The following EDN2 variants were observed in gnomAD, a reference collection of about 807,000 sequenced individuals.
The protein encoded by EDN2 is endothelin-2.
In EDN2, 10 loss-of-function variants were observed where a neutral mutation model predicts 19.9. That is an observed-to-expected ratio of 0.50 (90% CI 0.31 to 0.85). EDN2 has a LOEUF of 0.85. Ranked by LOEUF, EDN2 falls within the 40% of genes least tolerant of loss-of-function variation. The pLI is 0.05. For synonymous variants in EDN2, 84 were observed against 94.9 expected, an observed-to-expected ratio of 0.89 and a Z score of 0.67; for missense variants, 222 against 239.3, an observed-to-expected ratio of 0.93 and a Z score of 0.48.
intron 3 of EDN2, among the ~76,000 whole-genome samples, chr1:41,482,111 A>G (rs1207542966): frequency 6.6e-6 from 1 of 152,186 alleles, no homozygotes; most frequent in Admixed American, 6.5e-5. Context: ...GATCAGACAG[A>G]CTCAGGCCCA....
intron 2 of EDN2, chr1:41,483,843 G>A: frequency 1.8e-6 from 1 of 560,508 alleles, no homozygotes; most frequent in Non-Finnish European, 3.1e-6. Flanking sequence ...GCTGTCTTAA[G>A]AATTCTCAGA....
In EDN2 at chr1:41,479,481, G is replaced by T. The variant is rs746585275; in HGVS notation, c.465C>A (p.Ser155Arg). 7.4e-6 allele frequency: 12 copies of T among 1,614,184 alleles called. No individual in the cohort carries two copies. Among genetic ancestry groups the T allele is most frequent in the Non-Finnish European group, 9.3e-6 (11 of 1,179,998 alleles). ...QRLRDISTVK[S>R]LFAKRQQEAM... The stretch of plus-strand genomic sequence containing the variant: ...CCTCCTGTTGTCGCTTGGCAAAGAG[G>T]CTCTTGACTGTGGAAATGTCCCTGG... The change falls in exon 5 of 5, where the codon AGC becomes AGA. Residue 155 changes from serine to arginine, a missense_variant. By Grantham distance (110) the Ser-to-Arg change is moderately radical (BLOSUM62 -1). Transcript: ENST00000372587.
At chr1:41,481,841 G>A (rs779877258) in intron 3 of EDN2, among the ~76,000 whole-genome samples, 32 of 152,106 alleles carry the variant, frequency 2.1e-4, no homozygotes, top group Admixed American at 4.6e-4. Context: ...GTGCGCGGCC[G>A]GAAGCTTGGG....
At chr1:41,481,840 C>A (rs560523523) in intron 3 of EDN2, among the ~76,000 whole-genome samples, 3 of 152,130 alleles carry the variant, frequency 2.0e-5, no homozygotes, top group Non-Finnish European at 4.4e-5. Context: ...CGTGCGCGGC[C>A]GGAAGCTTGG....
intron 2 of EDN2, chr1:41,483,612 GCAAAGAGCCTGGCATAGT>G (rs1644266849): frequency 1.2e-5 from 2 of 169,172 alleles, no homozygotes; most frequent in Admixed American, 1.1e-4. Flanking sequence ...GCAGTGCTTG[GCAAAGAGCCTGGCATAGT>G]CAAAGCACGG....
At chr1:41,482,433 C>T (rs1168322858) in intron 3 of EDN2, 33 bp downstream of exon 3, 4 of 1,582,780 alleles carry the variant, frequency 2.5e-6, no homozygotes, top group Non-Finnish European at 1.7e-6. Context: ...CTTGCAGCTA[C>T]CCTATGCCCC....
At chr1:41,484,351 A>G (rs1307791233) in intron 1 of EDN2, 148 bp from the exon 2 acceptor site, 2 of 1,298,496 alleles carry the variant, frequency 1.5e-6, no homozygotes, top group East Asian at 2.5e-5. Context: ...AGCCCAGGGA[A>G]GTCCCAGCAG....
chr1:41,482,676 A>C, intron 2 of EDN2, 88 bp from the exon 3 acceptor site: 1 of 1,426,436 alleles, frequency 7.0e-7, no homozygotes, highest in East Asian at 2.7e-5. Flanking sequence ...GATTAAATAA[A>C]CCACAACCAT....
At chr1:41,481,272 C>T in intron 3 of EDN2, 79 bp from the exon 4 acceptor site, 1 of 1,158,412 alleles carries the variant, frequency 8.6e-7, no homozygotes, top group Non-Finnish European at 1.3e-6. Context: ...CAGCCCAGCC[C>T]CCACCCCTTC....
intron 1 of EDN2, 97 bp from the exon 2 acceptor site, chr1:41,484,300 T>G: frequency 1.4e-6 from 2 of 1,463,454 alleles, no homozygotes; most frequent in South Asian, 1.3e-5. Flanking sequence ...TCTTGCATAA[T>G]CGAGGGAGTT....
Position 41,484,102 on chromosome 1 carries a change from C to G in EDN2, c.166G>C (p.Asp56His). Residue 56 changes from aspartate to histidine, a missense_variant, in exon 2 of 5, where the codon GAC (aspartate) becomes CAC (histidine). Transcript: ENST00000372587. ...LRRCSCSSWL[D>H]KECVYFCHLD... ...TGGCAGAAGTAGACGCACTCCTTGTCGAGCCAGGAGCTGCAGGAGCAACGG... is the reference window on the plus strand; with the variant it reads ...TGGCAGAAGTAGACGCACTCCTTGTGGAGCCAGGAGCTGCAGGAGCAACGG... 2 of 1,613,606 alleles carry G rather than the reference C, an allele frequency of 1.2e-6. No homozygotes were observed. The highest frequency in any genetic ancestry group is 8.5e-7 in the Non-Finnish European group (1 of 1,179,922).
chr1:41,482,603 C>A lies in EDN2; in HGVS notation c.222-15G>T. The A allele has an allele frequency of 1.3e-6, 2 of 1,555,414 alleles. No homozygotes were observed. Among genetic ancestry groups the A allele is most frequent in the Non-Finnish European group, 1.7e-6 (2 of 1,155,674 alleles). ...GAGCTGTCTGTCTGTGGGCGGGCAGCCAGCAAGGTAGTGGTGTGGGGTGGA... is the reference window on the plus strand; with the variant it reads ...GAGCTGTCTGTCTGTGGGCGGGCAGACAGCAAGGTAGTGGTGTGGGGTGGA... On this transcript the variant is annotated splice_polypyrimidine_tract_variant and intron_variant, in intron 2 of 4. Transcript: ENST00000372587.
intron 2 of EDN2, 48 bp downstream of exon 2, chr1:41,483,999 C>T (rs1299713470): frequency 6.5e-7 from 1 of 1,535,138 alleles, no homozygotes; most frequent in Non-Finnish European, 8.8e-7. Flanking sequence ...TCCACCCTGA[C>T]ACCCTGCCCC....
intron 3 of EDN2, among the ~76,000 whole-genome samples, chr1:41,482,159 C>A (rs11572357): frequency 1.3e-5 from 2 of 152,236 alleles, no homozygotes; most frequent in Non-Finnish European, 2.9e-5. Flanking sequence ...TGCAGCCTGA[C>A]GTGTCCTGCC....
intron 3 of EDN2, among the ~76,000 whole-genome samples, chr1:41,481,834 C>T (rs11210271): frequency 0.03 from 4,542 of 152,218 alleles, 218 homozygotes; most frequent in African/African-American, 0.1. Context: ...AGCCACCGTG[C>T]GCGGCCGGAA....
intron 3 of EDN2, 21 bp downstream of exon 3, chr1:41,482,445 G>T: frequency 6.3e-7 from 1 of 1,593,344 alleles, no homozygotes; most frequent in East Asian, 2.4e-5. Flanking sequence ...CTATGCCCCT[G>T]CAGGCTGGGT....
chr1:41,482,087 G>A (rs1349501752), intron 3 of EDN2, among the ~76,000 whole-genome samples: 1 of 152,222 alleles, frequency 6.6e-6, no homozygotes, highest in Non-Finnish European at 1.5e-5. Context: ...GGAATCCAAA[G>A]CCCAGTAGGA....
At chr1:41,483,599 C>G (rs1203649374) in intron 2 of EDN2, among the ~76,000 whole-genome samples, 2 of 152,176 alleles carry the variant, frequency 1.3e-5, no homozygotes, top group Admixed American at 6.5e-5. Flanking sequence ...TGATCATGCA[C>G]GTGCAGTGCT....
intron 3 of EDN2, 113 bp downstream of exon 3, chr1:41,482,353 C>G: frequency 7.6e-7 from 1 of 1,315,836 alleles, no homozygotes; most frequent in South Asian, 1.8e-5. Flanking sequence ...TGGGTCGCTT[C>G]TCACCCCCAA....
Sources: gnomAD v4.1 joint callset for allele counts (sites outside exome capture counted in the v4.1 genomes callset) on GRCh38, gnomAD v4.1.1 for gene constraint, MANE v1.5 for transcripts, NCBI Gene and HGNC (gene_info 2026-07-23, HGNC 2026-07-21) for gene names.